ATXN1: variants seen among roughly 807,000 people sequenced by gnomAD.
The protein encoded by ATXN1 is ataxin 1.
A neutral mutation model predicts 56.4 loss-of-function variants in ATXN1; 8 were observed. The ratio of observed to expected loss-of-function variants is 0.14; its 90% confidence interval spans 0.08 to 0.26. The LOEUF (loss-of-function observed/expected upper bound fraction) is 0.26. ATXN1 is among the 10% of genes least tolerant of loss of function. The pLI is 1.00. For synonymous variants in ATXN1, 514 were observed against 494.6 expected (o/e 1.04, Z -0.52); for missense variants, 987 against 1,106.5 (o/e 0.89, Z 1.53).
chr6:16,517,185 T>C (rs550413400), intron 5 of ATXN1, among the ~76,000 whole-genome samples: 1 of 152,366 alleles, frequency 6.6e-6, no homozygotes, highest in African/African-American at 2.4e-5. Flanking sequence ...TTTTTACTTA[T>C]TTGTGTTGAC....
intron 6 of ATXN1, among the ~76,000 whole-genome samples, chr6:16,346,305 C>T (rs1370082384): frequency 1.3e-5 from 2 of 152,158 alleles, no homozygotes; most frequent in African/African-American, 2.4e-5. Context: ...CCGCCCATCT[C>T]GGCCTCCCAA....
At chr6:16,403,122 CACACACATGT>C (rs1445140372) in intron 6 of ATXN1, among the ~76,000 whole-genome samples, 7 of 152,132 alleles carry the variant, frequency 4.6e-5, no homozygotes, top group Non-Finnish European at 1.0e-4. Flanking sequence ...GTCACACATG[CACACACATGT>C]ACACACACAT....
intron 6 of ATXN1, among the ~76,000 whole-genome samples, chr6:16,454,548 A>T (rs973305516): frequency 1.5e-4 from 23 of 152,338 alleles, no homozygotes; most frequent in African/African-American, 5.1e-4. Flanking sequence ...TCTACAGTGT[A>T]GCCAATGATT....
At chr6:16,348,160 C>T (rs1398701691) in intron 6 of ATXN1, among the ~76,000 whole-genome samples, 2 of 152,202 alleles carry the variant, frequency 1.3e-5, no homozygotes, top group Non-Finnish European at 2.9e-5. Flanking sequence ...GCCTCGACCT[C>T]CCTGTGCTCA....
intron 6 of ATXN1, among the ~76,000 whole-genome samples, chr6:16,396,332 C>A (rs1023582894): frequency 6.6e-6 from 1 of 151,952 alleles, no homozygotes; most frequent in Non-Finnish European, 1.5e-5. Flanking sequence ...GTAATCCCAG[C>A]ATTTTGGGAG....
rs374530653 is a variant in ATXN1, at chr6:16,687,657, T to TACACACACACATACACACAC, written c.-614-29757_-614-29756insGTGTGTGTATGTGTGTGTGT. ...AAGCAGCCTGGAATCAAAGAAGAAA[T>TACACACACACATACACACAC]ACACACACACACACACACACACACA... On this transcript the variant is annotated intron_variant, in intron 2 of 7. Coordinates refer to ENST00000436367, the MANE Select transcript of ATXN1 (RefSeq NM_001128164.2). Among the ~76,000 whole-genome samples, 134 of 143,388 alleles carry TACACACACACATACACACAC rather than the reference T, an allele frequency of 9.3e-4. 2 individuals carry two copies. The highest frequency in any genetic ancestry group is 3.3e-3 in the African/African-American group (125 of 37,934). The allele number at this position is 143,388 out of a possible 152,430, so 94.1% of individuals were successfully genotyped here. A position where few individuals can be genotyped will look rare whatever the true frequency, so the allele number is the denominator to read the frequency against.
At chr6:16,558,300 CAAAAA>C (rs34684208) in intron 4 of ATXN1, among the ~76,000 whole-genome samples, 17 of 95,398 alleles carry the variant, frequency 1.8e-4, no homozygotes, top group Non-Finnish European at 2.7e-4. Flanking sequence ...GATCCTGTGT[CAAAAA>C]AAAAAAAAAA....
At chr6:16,383,029 T>C (rs78774554) in intron 6 of ATXN1, among the ~76,000 whole-genome samples, 1,712 of 152,124 alleles carry the variant, frequency 0.011, 29 homozygotes, top group African/African-American at 0.039. Flanking sequence ...TTGCTCTTCC[T>C]CCCATCTCGC....
chr6:16,529,311 G>T (rs552346549), intron 4 of ATXN1, among the ~76,000 whole-genome samples: 1 of 151,770 alleles, frequency 6.6e-6, no homozygotes, highest in East Asian at 1.9e-4. Context: ...CAGGTGCCAG[G>T]CAAGCGTTCT....
At position 16,316,860 on chromosome 6, in the gene ATXN1, C is replaced by T. The variant is rs534125232; in HGVS notation, c.1917+9534G>A. Among the ~76,000 whole-genome samples the T allele has an allele frequency of 5.9e-5, 6 of 101,762 alleles. No homozygotes were observed. In the East Asian group the frequency reaches 2.0e-3, roughly 35 times the overall value. The allele number at this position is 101,762 out of a possible 152,430, so 66.8% of individuals were successfully genotyped here. A position where few individuals can be genotyped will look rare whatever the true frequency, so the allele number is the denominator to read the frequency against. Reference sequence around the variant, plus strand: ...ACAACAGGGGGCAATAGAGAGACTGCCTGTCTTTTTTTTTTTTTTTTTTTT... The same window carrying T: ...ACAACAGGGGGCAATAGAGAGACTGTCTGTCTTTTTTTTTTTTTTTTTTTT... On this transcript the variant is annotated intron_variant, in intron 7 of 7. Transcript: ENST00000436367.
chr6:16,761,030 G>T (rs1761079159), intron 1 of ATXN1: 1 of 173,964 alleles, frequency 5.7e-6, no homozygotes, highest in Admixed American at 6.1e-5. Context: ...GTCGGCCCGG[G>T]AGCCTGGAGC....
At chr6:16,740,632 TTC>T (rs1219913888) in intron 2 of ATXN1, among the ~76,000 whole-genome samples, 1 of 152,224 alleles carries the variant, frequency 6.6e-6, no homozygotes, top group Non-Finnish European at 1.5e-5. Context: ...ATGAAAATCA[TTC>T]TCTGTTTATC....
chr6:16,517,777 C>T (rs1229979817), intron 5 of ATXN1, among the ~76,000 whole-genome samples: 1 of 152,152 alleles, frequency 6.6e-6, no homozygotes, highest in Admixed American at 6.5e-5. Flanking sequence ...TACATGAGAG[C>T]ACACACATGC....
intron 6 of ATXN1, among the ~76,000 whole-genome samples, chr6:16,386,852 A>C (rs1758252247): frequency 6.6e-6 from 1 of 152,176 alleles, no homozygotes; most frequent in Non-Finnish European, 1.5e-5. Context: ...GATTATTTTT[A>C]AAGGAGACGG....
intron 6 of ATXN1, among the ~76,000 whole-genome samples, chr6:16,423,002 C>T (rs1759067793): frequency 6.6e-6 from 1 of 152,136 alleles, no homozygotes; most frequent in South Asian, 2.1e-4. Context: ...TAAGAAATTT[C>T]AGAAAGGGAA....
In ATXN1 at chr6:16,572,606, A is replaced by C. The variant is rs80236140; in HGVS notation, c.-361+13174T>G. Among the ~76,000 whole-genome samples, 1,478 of 152,284 alleles carry C rather than the reference A, an allele frequency of 9.7e-3. 11 individuals are homozygous for C. The highest frequency in any genetic ancestry group is 0.018 in the South Asian group (88 of 4,824). On this transcript the variant is annotated intron_variant, in intron 4 of 7. Transcript: ENST00000436367. ...ATTCGTGAAATAAGTGATGAAAACA[A>C]GGGTATAAAGGCTACAGAAACCCTT... is the stretch of plus-strand genomic sequence containing the variant.
chr6:16,592,191 G>A (rs1288782646), intron 3 of ATXN1, among the ~76,000 whole-genome samples: 1 of 152,092 alleles, frequency 6.6e-6, no homozygotes, highest in Non-Finnish European at 1.5e-5. Context: ...CCCAGTACTG[G>A]CCAGCACTTC....
At chr6:16,447,649 G>A (rs148037173) in intron 6 of ATXN1, among the ~76,000 whole-genome samples, 83 of 152,224 alleles carry the variant, frequency 5.5e-4, no homozygotes, top group African/African-American at 1.9e-3. Flanking sequence ...GAGCTACTGC[G>A]CCTGGCCTAA....
intron 4 of ATXN1, among the ~76,000 whole-genome samples, chr6:16,538,630 T>TGTCC (rs1225703322): frequency 7.4e-6 from 1 of 135,832 alleles, no homozygotes; most frequent in Non-Finnish European, 1.6e-5. Flanking sequence ...CCCCTTCCTG[T>TGTCC]GTCCATGTGT....
Sources: gnomAD v4.1 joint callset for allele counts (sites outside exome capture counted in the v4.1 genomes callset) on GRCh38, gnomAD v4.1.1 for gene constraint, MANE v1.5 for transcripts, NCBI Gene and HGNC (gene_info 2026-07-23, HGNC 2026-07-21) for gene names.